SH3RF3: variants seen among roughly 807,000 people sequenced by gnomAD.
SH3RF3 encodes the protein E3 ubiquitin-protein ligase SH3RF3.
SH3RF3 carries 29 observed loss-of-function variants against 66.3 expected under a neutral mutation model. The observed-to-expected ratio is 0.44, with a 90% CI of 0.33 to 0.60. The LOEUF (loss-of-function observed/expected upper bound fraction) is 0.60. SH3RF3 is among the 20% of genes least tolerant of loss of function. The probability of loss-of-function intolerance (pLI) is 0.04; values close to 1 mark genes in which losing one functional copy is unlikely to be tolerated. For synonymous variants in SH3RF3, 583 were observed against 532.0 expected (o/e 1.10, Z -1.32); for missense variants, 1,194 against 1,190.9 (o/e 1.00, Z -0.04).
intron 3 of SH3RF3, among the ~76,000 whole-genome samples, chr2:109,390,446 A>G (rs1456453022): frequency 6.6e-6 from 1 of 152,204 alleles, no homozygotes; most frequent in African/African-American, 2.4e-5. Flanking sequence ...CTGTTTTCTT[A>G]TTTAGTCCTG....
intron 3 of SH3RF3, among the ~76,000 whole-genome samples, chr2:109,397,918 A>G (rs1010654004): frequency 2.6e-5 from 4 of 152,224 alleles, no homozygotes; most frequent in African/African-American, 7.2e-5. Flanking sequence ...TTGTAGAACA[A>G]TGGGAGATGT....
At chr2:109,408,376 C>T (rs1676502093) in intron 4 of SH3RF3, among the ~76,000 whole-genome samples, 1 of 152,202 alleles carries the variant, frequency 6.6e-6, no homozygotes. Context: ...AGAACCTTCT[C>T]CACCCAGATC....
chr2:109,186,037 T>C (rs1262919385), intron 1 of SH3RF3, among the ~76,000 whole-genome samples: 1 of 152,248 alleles, frequency 6.6e-6, no homozygotes, highest in Admixed American at 6.5e-5. Flanking sequence ...GTCACTGGGA[T>C]CCTGTTTTGT....
At chr2:109,475,153 A>G (rs1678650508) in intron 8 of SH3RF3, among the ~76,000 whole-genome samples, 1 of 151,656 alleles carries the variant, frequency 6.6e-6, no homozygotes, top group Admixed American at 6.6e-5. Flanking sequence ...AATTTTTTGT[A>G]TTTTTAGTAG....
intron 1 of SH3RF3, among the ~76,000 whole-genome samples, chr2:109,307,039 T>C (rs1422761828): frequency 6.6e-6 from 1 of 152,240 alleles, no homozygotes; most frequent in East Asian, 1.9e-4. Flanking sequence ...AGTTTTAATT[T>C]ATAAATGTGA....
Position 109,239,205 on chromosome 2 carries a change from C to T in SH3RF3, c.574-108469C>T, listed in dbSNP as rs183077333. Among the ~76,000 whole-genome samples, 1,123 of 152,006 alleles carry T rather than the reference C, an allele frequency of 7.4e-3. 9 individuals carry two copies. The highest frequency in any genetic ancestry group is 0.024 in the South Asian group (115 of 4,808). On this transcript the variant is annotated intron_variant, in intron 1 of 9. Coordinates refer to ENST00000309415, the MANE Select transcript of SH3RF3 (RefSeq NM_001099289.3). ...TGGGTGTGAGCCCTGCACAGTGCTC[C>T]GAAAAGAGCTGGGGTCCGTAAATAC...
intron 7 of SH3RF3, among the ~76,000 whole-genome samples, chr2:109,448,273 T>C: frequency 6.6e-6 from 1 of 152,210 alleles, no homozygotes; most frequent in East Asian, 1.9e-4. Context: ...AAACCATATT[T>C]TCAAAATTTT....
intron 1 of SH3RF3, among the ~76,000 whole-genome samples, chr2:109,338,647 TC>T (rs1418954046): frequency 6.6e-6 from 1 of 152,152 alleles, no homozygotes; most frequent in Non-Finnish European, 1.5e-5. Context: ...AACCTCTGCC[TC>T]CCGAGTTCAG....
At chr2:109,283,750 T>C (rs550058769) in intron 1 of SH3RF3, among the ~76,000 whole-genome samples, 1 of 152,354 alleles carries the variant, frequency 6.6e-6, no homozygotes, top group South Asian at 2.1e-4. Flanking sequence ...ACAGAGGTGC[T>C]ACGTGCTGGA....
intron 8 of SH3RF3, among the ~76,000 whole-genome samples, chr2:109,452,603 A>C (rs1312573104): frequency 1.3e-5 from 2 of 152,106 alleles, no homozygotes; most frequent in Admixed American, 6.5e-5. Context: ...TTCTCCTAGG[A>C]GCGTGGGAGA....
chr2:109,190,629 CT>C (rs1004513673), intron 1 of SH3RF3, among the ~76,000 whole-genome samples: 51 of 152,112 alleles, frequency 3.4e-4, no homozygotes, highest in African/African-American at 1.2e-3. Flanking sequence ...ATTGCAGCGA[CT>C]TGGTGAAAAT....
intron 1 of SH3RF3, among the ~76,000 whole-genome samples, chr2:109,135,500 C>T (rs781059974): frequency 3.3e-5 from 5 of 152,190 alleles, no homozygotes; most frequent in Non-Finnish European, 7.3e-5. Flanking sequence ...GCCTGGCACA[C>T]GTGATTGGCT....
chr2:109,471,507 G>A (rs969872661), intron 8 of SH3RF3, among the ~76,000 whole-genome samples: 11 of 152,136 alleles, frequency 7.2e-5, no homozygotes, highest in Non-Finnish European at 1.5e-4. Context: ...GTCCCTCTTT[G>A]ACACATGGGG....
intron 1 of SH3RF3, among the ~76,000 whole-genome samples, chr2:109,260,237 C>T (rs2105287506): frequency 6.6e-6 from 1 of 152,242 alleles, no homozygotes; most frequent in East Asian, 1.9e-4. Context: ...ACCGTCCTCT[C>T]CCTAGTGGAA....
intron 1 of SH3RF3, among the ~76,000 whole-genome samples, chr2:109,155,459 C>T (rs906177144): frequency 6.6e-6 from 1 of 152,042 alleles, no homozygotes; most frequent in Non-Finnish European, 1.5e-5. Flanking sequence ...CCCACCACCA[C>T]GCCTGGCTAA....
At chr2:109,180,248 T>G (rs1031080136) in intron 1 of SH3RF3, among the ~76,000 whole-genome samples, 1 of 152,148 alleles carries the variant, frequency 6.6e-6, no homozygotes, top group Admixed American at 6.5e-5. Flanking sequence ...GGCTTCGGCC[T>G]CCTTCCTTTG....
chr2:109,150,471 T>A (rs1206748686), intron 1 of SH3RF3, among the ~76,000 whole-genome samples: 2 of 152,172 alleles, frequency 1.3e-5, no homozygotes, highest in Admixed American at 1.3e-4. Flanking sequence ...CTTAGAAAAA[T>A]AGTTTTTTTA....
rs942247549 is a variant in SH3RF3 at position 109,342,996 on chromosome 2, A to G, written c.574-4678A>G. ...GCCCAAATAATGGCGGCTTAGTGAC[A>G]ATGTTTGAATGGAATTCCTCTGAAG... On this transcript the variant is annotated intron_variant, in intron 1 of 9. Transcript: ENST00000309415. Among the ~76,000 whole-genome samples, 55 of 151,990 alleles carry G rather than the reference A, an allele frequency of 3.6e-4. 1 individual carries two copies. Among genetic ancestry groups the G allele is most frequent in the African/African-American group, 1.3e-3 (53 of 41,386 alleles).
At chr2:109,145,380 C>T (rs540370847) in intron 1 of SH3RF3, among the ~76,000 whole-genome samples, 2 of 152,300 alleles carry the variant, frequency 1.3e-5, no homozygotes, top group African/African-American at 4.8e-5. Context: ...TGAGCCCTGC[C>T]CCTCTCTTAT....
Sources: gnomAD v4.1 joint callset for allele counts (sites outside exome capture counted in the v4.1 genomes callset) on GRCh38, gnomAD v4.1.1 for gene constraint, MANE v1.5 for transcripts, NCBI Gene and HGNC (gene_info 2026-07-23, HGNC 2026-07-21) for gene names.